CSF3R: variants seen among roughly 807,000 people sequenced by gnomAD.
CSF3R encodes colony stimulating factor 3 receptor, also known as granulocyte colony-stimulating factor receptor.
A neutral mutation model predicts 84.4 loss-of-function variants in CSF3R; 52 were observed. The ratio of observed to expected loss-of-function variants is 0.62; its 90% CI spans 0.49 to 0.78. The LOEUF (loss-of-function observed/expected upper bound fraction) is 0.78, where lower values mean the gene tolerates loss of function less well. Ranked by LOEUF, CSF3R falls within the 30% of genes least tolerant of loss-of-function variation. The probability of loss-of-function intolerance (pLI) is 0.00; values close to 1 mark genes in which losing one functional copy is unlikely to be tolerated. For missense variants in CSF3R, 890 were observed against 1,055.7 expected (o/e 0.84, Z 2.17); for synonymous variants, 384 against 429.1 (o/e 0.89, Z 1.30).
intron 1 of CSF3R, among the ~76,000 whole-genome samples, chr1:36,482,473 C>T (rs190094780): frequency 6.6e-6 from 1 of 152,014 alleles, no homozygotes; most frequent in South Asian, 2.1e-4. Context: ...GAGACCCAGA[C>T]GGGGAGGGGT....
In CSF3R at chr1:36,466,441, G is replaced by A. The variant is rs369185814; in HGVS notation, c.2427C>T (p.Asp809=). ...TLVTPAPSQE[D]DCVFGPLLNF... ...TGAGCAGTGGCCCAAAGACACAGTC[G>A]TCCTCCTGGCTTGGGGCTGGGGTTA... The change falls in exon 17 of 17, where the codon GAC becomes GAT. Residue 809 remains aspartate (D), a synonymous_variant. Transcript: ENST00000373106. The surrounding 1 kb of genome is among the most constrained non-coding windows in gnomAD (Gnocchi z 4.6). 32 of 1,613,388 alleles carry A rather than the reference G, an allele frequency of 2.0e-5. 1 individual carries two copies. The African/African-American group carries it at 3.1e-4, about 15-fold the overall frequency.
At position 36,468,299 on chromosome 1, in the gene CSF3R, A is replaced by G. The variant is rs555659007; in HGVS notation, c.1577-78T>C. On this transcript the variant is annotated intron_variant, in intron 12 of 16. Transcript: ENST00000373106. The stretch of plus-strand genomic sequence containing the variant: ...CCGGTTGGACTTCTTGTGGCTTCCC[A>G]GACACTGTGGGGTGGGTGAGAAAAG... 32 of 1,451,748 alleles carry G rather than the reference A, an allele frequency of 2.2e-5. No homozygotes were observed. In the East Asian group the frequency reaches 6.7e-4, roughly 30 times the overall value. 89.9% of individuals were successfully genotyped at this position (1,451,748 alleles called of 1,614,324 possible). A position where few individuals can be genotyped will look rare whatever the true frequency, so the allele number is the denominator to read the frequency against.
chr1:36,480,303 C>T (rs923887300), intron 2 of CSF3R, among the ~76,000 whole-genome samples: 2 of 152,236 alleles, frequency 1.3e-5, no homozygotes, highest in Non-Finnish European at 2.9e-5. Context: ...TCAGGTTATG[C>T]CTGCAGGAAG....
chr1:36,467,387 C>T lies in CSF3R; in HGVS notation c.1959-76G>A. Reference sequence around the variant, plus strand: ...CCATTTTTTGTCCCACCCACCCCACCTGAAGAGGTGCAGCTGCCCTTAGTG... The same window carrying T: ...CCATTTTTTGTCCCACCCACCCCACTTGAAGAGGTGCAGCTGCCCTTAGTG... On this transcript the variant is annotated intron_variant, in intron 15 of 16. Coordinates refer to ENST00000373106, the MANE Select transcript of CSF3R (RefSeq NM_000760.4). This position sits in a 1 kb window ranked among gnomAD's most constrained non-coding sequence, Gnocchi z 4.1. 2 of 1,504,240 alleles carry T rather than the reference C, an allele frequency of 1.3e-6. No homozygotes were observed. The highest frequency in any genetic ancestry group is 1.9e-6 in the Non-Finnish European group (2 of 1,080,720). The allele number at this position is 1,504,240 out of a possible 1,614,324, so 93.2% of individuals were successfully genotyped here.
chr1:36,472,133 G>C lies in CSF3R; in HGVS notation c.1004C>G (p.Thr335Ser). ...CCGCCACCATGTGTCCAGTCTGACA[G>C]TGGGGGCTGTGGATGGAACAAGAAG... ...LELRTTERAP[T>S]VRLDTWWRQR... Residue 335 changes from threonine (T) to serine (S), a missense_variant, in exon 9 of 17, where the codon ACT becomes AGT. Physicochemically the swap from Thr to Ser is moderately conservative, Grantham distance 58. Transcript: ENST00000373106. The surrounding 1 kb of genome is among the most constrained non-coding windows in gnomAD (Gnocchi z 5.0). 2 of 1,613,980 alleles carry C rather than the reference G, an allele frequency of 1.2e-6. No individual in the cohort carries two copies. Among genetic ancestry groups the C allele is most frequent in the Non-Finnish European group, 1.7e-6 (2 of 1,180,024 alleles).
rs1650781732 is a variant in CSF3R, at chr1:36,472,037, G to C, written c.1071+29C>G. The C allele has an allele frequency of 6.2e-7, 1 of 1,609,170 alleles. No homozygotes were observed. The highest frequency in any genetic ancestry group is 1.7e-5 in the Admixed American group (1 of 60,010). ...TGTTTGGACTGCGGGAGGTGTCGAGGTGGAGGGATGGCCTTCAGAGGGAGT... is the reference window on the plus strand; with the variant it reads ...TGTTTGGACTGCGGGAGGTGTCGAGCTGGAGGGATGGCCTTCAGAGGGAGT... On this transcript the variant is annotated intron_variant, in intron 9 of 16. Transcript: ENST00000373106. This position sits in a 1 kb window ranked among gnomAD's most constrained non-coding sequence, Gnocchi z 5.0.
intron 2 of CSF3R, among the ~76,000 whole-genome samples, chr1:36,481,210 C>CA (rs1422196962): frequency 2.0e-5 from 3 of 152,174 alleles, no homozygotes; most frequent in Non-Finnish European, 4.4e-5. Context: ...CGTGCAGTAC[C>CA]ACCCTATCCG....
intron 10 of CSF3R, among the ~76,000 whole-genome samples, chr1:36,470,803 C>T (rs921443852): frequency 2.6e-5 from 4 of 151,700 alleles, no homozygotes; most frequent in African/African-American, 9.7e-5. Flanking sequence ...GCAGAATGGG[C>T]TGTGAGTGTG....
At chr1:36,481,160 TTG>T (rs1651494964) in intron 2 of CSF3R, among the ~76,000 whole-genome samples, 4 of 152,212 alleles carry the variant, frequency 2.6e-5, no homozygotes, top group Admixed American at 2.6e-4. Flanking sequence ...CCCAGCCCTG[TTG>T]CCCTAGCCAG....
At position 36,472,867 on chromosome 1, in the gene CSF3R, A is replaced by G. The variant is rs1025587876; in HGVS notation, c.674-181T>C. The G allele has an allele frequency of 9.4e-6, 7 of 743,476 alleles. No homozygotes were observed. The highest frequency in any genetic ancestry group is 3.6e-5 in the African/African-American group (2 of 56,276). 46.1% of individuals were successfully genotyped at this position (743,476 alleles called of 1,614,324 possible). On this transcript the variant is annotated intron_variant, in intron 6 of 16. Coordinates refer to ENST00000373106, the MANE Select transcript of CSF3R (RefSeq NM_000760.4). The surrounding 1 kb of genome is among the most constrained non-coding windows in gnomAD (Gnocchi z 5.0). ...AGGTCTCTGTTTCCGCTCTTGCCCC[A>G]GGGCCTTTGCACTGGTTGTTACTTC...
intron 2 of CSF3R, chr1:36,480,077 A>C: frequency 5.6e-6 from 1 of 177,854 alleles, no homozygotes; most frequent in Non-Finnish European, 1.2e-5. Context: ...GGGTCAATTT[A>C]TCCCTTGGAT....
In CSF3R at chr1:36,466,211, T is replaced by C. The variant is rs1650296748; in HGVS notation, c.*146A>G. ...CCTGGGAGGCCCAGCCTATGGAGATTGGGAGGAGAGGGAGATGCTGGTGAC... is the reference window on the plus strand; with the variant it reads ...CCTGGGAGGCCCAGCCTATGGAGATCGGGAGGAGAGGGAGATGCTGGTGAC... On this transcript the variant is annotated 3_prime_UTR_variant, in exon 17 of 17. Transcript: ENST00000373106. The surrounding 1 kb of genome is among the most constrained non-coding windows in gnomAD (Gnocchi z 4.6). The C allele has an allele frequency of 6.2e-7, 1 of 1,613,936 alleles. No individual in the cohort carries two copies.
Position 36,466,463 on chromosome 1 carries a change from G to T in CSF3R, c.2405C>A (p.Thr802Asn). The T allele has an allele frequency of 1.2e-6, 2 of 1,612,320 alleles. No homozygotes were observed. Among genetic ancestry groups the T allele is most frequent in the Non-Finnish European group, 1.7e-6 (2 of 1,179,292 alleles). ...FQASPLGTLV[T>N]PAPSQEDDCV... ...GTCGTCCTCCTGGCTTGGGGCTGGG[G>T]TTACCAGGGTCCCCAAGGGGCTGGC... The change falls in exon 17 of 17, where the codon ACC becomes AAC. Residue 802 changes from threonine to asparagine, a missense_variant. Physicochemically the swap from Thr to Asn is moderately conservative, Grantham distance 65 (BLOSUM62 0). Transcript: ENST00000373106. The surrounding 1 kb of genome is among the most constrained non-coding windows in gnomAD (Gnocchi z 4.6).
intron 12 of CSF3R, 104 bp downstream of exon 12, chr1:36,469,052 T>C: frequency 1.2e-6 from 1 of 831,498 alleles, no homozygotes; most frequent in Non-Finnish European, 2.0e-6. Context: ...GCTGGAAGTA[T>C]GGTAGGAAGG....
intron 11 of CSF3R, 30 bp from the exon 12 acceptor site, chr1:36,469,287 T>G (rs1200476679): frequency 6.6e-7 from 1 of 1,514,450 alleles, no homozygotes; most frequent in East Asian, 2.3e-5. Flanking sequence ...TAGGCACTTC[T>G]GTTAGGGCCT....
intron 3 of CSF3R, 175 bp from the exon 4 acceptor site, chr1:36,475,848 C>T: frequency 1.6e-6 from 1 of 626,266 alleles, no homozygotes; most frequent in Admixed American, 3.0e-5. Context: ...ACGGGGGTGA[C>T]ACAGAGATAG....
At chr1:36,482,309 G>A (rs969521959) in intron 1 of CSF3R, among the ~76,000 whole-genome samples, 4 of 152,006 alleles carry the variant, frequency 2.6e-5, no homozygotes, top group Admixed American at 1.3e-4. Context: ...AGTGGGCGGG[G>A]GGGGGGCACT....
intron 1 of CSF3R, among the ~76,000 whole-genome samples, chr1:36,482,310 G>C (rs1003791684): frequency 1.3e-5 from 2 of 151,856 alleles, no homozygotes; most frequent in Non-Finnish European, 2.9e-5. Flanking sequence ...GTGGGCGGGG[G>C]GGGGGCACTC....
chr1:36,475,821 G>A (rs948214192), intron 3 of CSF3R, 148 bp from the exon 4 acceptor site: 3 of 778,568 alleles, frequency 3.9e-6, no homozygotes, highest in Admixed American at 5.9e-5. Context: ...GGATGGGGAC[G>A]GAGACTTCGA....
Sources: gnomAD v4.1 joint callset for allele counts (sites outside exome capture counted in the v4.1 genomes callset) on GRCh38, gnomAD v4.1.1 for gene constraint, Gnocchi (gnomAD v3.1) non-coding constraint, MANE v1.5 for transcripts, NCBI Gene and HGNC (gene_info 2026-07-23, HGNC 2026-07-21) for gene names.